The following GSE1 variants were observed in gnomAD, a reference collection of about 807,000 sequenced individuals.
The protein encoded by GSE1 is genetic suppressor element 1.
A neutral mutation model predicts 112.6 loss-of-function variants in GSE1; 32 were observed. That is an observed-to-expected ratio of 0.28 (90% confidence interval 0.21 to 0.38). The LOEUF is 0.38. GSE1 is among the 10% of genes least tolerant of loss of function. The pLI is 1.00. For missense variants in GSE1, 2,348 were observed against 1,699.2 expected (o/e 1.38, Z -6.71); for synonymous variants, 1,115 against 735.6 (o/e 1.52, Z -8.35).
intron 1 of GSE1, among the ~76,000 whole-genome samples, chr16:85,195,426 A>G (rs2074908307): frequency 6.6e-6 from 1 of 152,182 alleles, no homozygotes; most frequent in South Asian, 2.1e-4. Flanking sequence ...GAGAGTTGGA[A>G]GCAGCTTTGC....
At chr16:85,277,223 C>G (rs116744291) in intron 1 of GSE1, among the ~76,000 whole-genome samples, 2,980 of 152,188 alleles carry the variant, frequency 0.02, 97 homozygotes, top group African/African-American at 0.069. Context: ...CACTGTAAGG[C>G]CTGCCCAAGG....
chr16:85,264,501 G>A (rs1413250624), intron 1 of GSE1, among the ~76,000 whole-genome samples: 1 of 152,058 alleles, frequency 6.6e-6, no homozygotes, highest in Non-Finnish European at 1.5e-5. Flanking sequence ...CTCCTCGGCC[G>A]ACTCTCCTCT....
chr16:85,327,915 G>A (rs2046258873), intron 1 of GSE1, among the ~76,000 whole-genome samples: 1 of 152,162 alleles, frequency 6.6e-6, no homozygotes, highest in South Asian at 2.1e-4. Context: ...CATTCCTGGA[G>A]TAGGGGGGCG....
chr16:85,456,428 C>T (rs2049827039), intron 2 of GSE1, among the ~76,000 whole-genome samples: 1 of 152,070 alleles, frequency 6.6e-6, no homozygotes, highest in South Asian at 2.1e-4. Context: ...CCAGATTATG[C>T]TCTGGGATTT....
intron 2 of GSE1, among the ~76,000 whole-genome samples, chr16:85,451,744 T>TGGA (rs766237022): frequency 2.3e-5 from 2 of 88,794 alleles, no homozygotes; most frequent in East Asian, 9.5e-4. Context: ...GTGCTGGTGG[T>TGGA]TGGTGCGTGC....
intron 2 of GSE1, among the ~76,000 whole-genome samples, chr16:85,513,021 C>G (rs754678929): frequency 3.3e-5 from 5 of 152,178 alleles, no homozygotes; most frequent in Admixed American, 3.3e-4. Context: ...CAGTCCTGTA[C>G]GCTTGCCGCT....
At chr16:85,358,212 C>G (rs1433586060) in intron 2 of GSE1, among the ~76,000 whole-genome samples, 1 of 152,178 alleles carries the variant, frequency 6.6e-6, no homozygotes, top group Non-Finnish European at 1.5e-5. Flanking sequence ...TCCCTGAGGC[C>G]AGGCGAGGCT....
chr16:85,528,400 T>C (rs2052429211), intron 2 of GSE1, among the ~76,000 whole-genome samples: 1 of 152,068 alleles, frequency 6.6e-6, no homozygotes, highest in East Asian at 1.9e-4. Context: ...AAGCTTCAAC[T>C]TCCTGGGCTC....
At chr16:85,656,979 C>T (rs1320233552) in intron 7 of GSE1, among the ~76,000 whole-genome samples, 1 of 152,222 alleles carries the variant, frequency 6.6e-6, no homozygotes, top group Non-Finnish European at 1.5e-5. Context: ...TAACAACCAG[C>T]TTTTGCATGT....
chr16:85,667,357 C>T (rs1019210640), intron 13 of GSE1, among the ~76,000 whole-genome samples: 7 of 152,242 alleles, frequency 4.6e-5, no homozygotes, highest in African/African-American at 1.7e-4. Context: ...CCAGGGGCTG[C>T]CATCCCCACG....
chr16:85,476,156 T>C (rs2151856808), intron 2 of GSE1, among the ~76,000 whole-genome samples: 1 of 152,362 alleles, frequency 6.6e-6, no homozygotes, highest in South Asian at 2.1e-4. Flanking sequence ...GGCCTCGAAC[T>C]GCTGAGCTCA....
intron 1 of GSE1, among the ~76,000 whole-genome samples, chr16:85,251,942 G>A (rs528684845): frequency 2.0e-5 from 3 of 152,336 alleles, no homozygotes; most frequent in Non-Finnish European, 2.9e-5. Context: ...ACCATGCCAG[G>A]CTGCCATGAA....
chr16:85,237,731 G>T (rs1174058047), intron 1 of GSE1, among the ~76,000 whole-genome samples: 1 of 151,986 alleles, frequency 6.6e-6, no homozygotes, highest in Non-Finnish European at 1.5e-5. Context: ...CCAGCTACTT[G>T]GGAGGCTGAG....
chr16:85,657,887 C>G (rs2052103064), intron 8 of GSE1, among the ~76,000 whole-genome samples: 1 of 152,200 alleles, frequency 6.6e-6, no homozygotes, highest in South Asian at 2.1e-4. Flanking sequence ...TGACCTAGTT[C>G]CCAGGAGGCC....
chr16:85,192,148 T>G (rs906698766), intron 1 of GSE1, among the ~76,000 whole-genome samples: 1 of 152,248 alleles, frequency 6.6e-6, no homozygotes, highest in African/African-American at 2.4e-5. Context: ...ACATAGGCAG[T>G]ACTGTGGGTG....
chr16:85,549,907 G>A (rs2044843056), intron 2 of GSE1, among the ~76,000 whole-genome samples: 1 of 152,182 alleles, frequency 6.6e-6, no homozygotes, highest in Admixed American at 6.5e-5. Flanking sequence ...GGATGCTGGG[G>A]CAGGTCGTAA....
chr16:85,343,135 C>A (rs771495745), intron 1 of GSE1, among the ~76,000 whole-genome samples: 1 of 152,092 alleles, frequency 6.6e-6, no homozygotes, highest in African/African-American at 2.4e-5. Context: ...TTCAACAAAG[C>A]GTGGCGCGTC....
chr16:85,407,430 A>AG (rs1378573186), intron 2 of GSE1, among the ~76,000 whole-genome samples: 2 of 2,532 alleles, frequency 7.9e-4, no homozygotes, highest in Non-Finnish European at 1.4e-3. Context: ...TGTTACTCTC[A>AG]GGCCCCCCTG....
intron 2 of GSE1, among the ~76,000 whole-genome samples, chr16:85,456,301 G>GGA (rs934103867): frequency 1.3e-5 from 2 of 152,128 alleles, no homozygotes; most frequent in African/African-American, 2.4e-5. Flanking sequence ...AGGCAAAGTG[G>GGA]GAGAGAGAGA....
Sources: allele counts gnomAD v4.1 joint callset (sites outside exome capture counted in the v4.1 genomes callset), GRCh38; gene constraint gnomAD v4.1.1; transcripts MANE v1.5; gene names NCBI Gene and HGNC (gene_info 2026-07-23, HGNC 2026-07-21).